The following DYNC2I2 variants were observed in gnomAD, a reference collection of about 807,000 sequenced individuals.
DYNC2I2 encodes the protein dynein 2 intermediate chain 2, also known as cytoplasmic dynein 2 intermediate chain 2.
Under a neutral mutation model 52.0 loss-of-function variants are expected in DYNC2I2, and 39 were observed. The observed-to-expected ratio is 0.75, with a 90% CI of 0.58 to 0.98. The LOEUF is 0.98. DYNC2I2 is among the 50% of genes least tolerant of loss of function. The pLI is 0.00. For missense variants in DYNC2I2, 743 were observed against 728.4 expected, an observed-to-expected ratio of 1.02 and a Z score of -0.23; for synonymous variants, 359 against 321.1, an observed-to-expected ratio of 1.12 and a Z score of -1.26.
the DYNC2I2 span, among the ~76,000 whole-genome samples, chr9:128,672,874 A>T: frequency 6.6e-6 from 1 of 151,992 alleles, no homozygotes; most frequent in Non-Finnish European, 1.5e-5. Context: ...AATACAAAAA[A>T]CTGGTGGGGC....
intron 1 of DYNC2I2, among the ~76,000 whole-genome samples, chr9:128,645,749 G>A (rs1860604842): frequency 6.6e-6 from 1 of 152,094 alleles, no homozygotes; most frequent in African/African-American, 2.4e-5. Flanking sequence ...TTAGTGAGGA[G>A]GGCATGTTGA....
intron 2 of DYNC2I2, among the ~76,000 whole-genome samples, chr9:128,638,848 T>C (rs1236164363): frequency 1.3e-5 from 2 of 152,160 alleles, no homozygotes; most frequent in African/African-American, 4.8e-5. Flanking sequence ...TGCAACACCA[T>C]GCAGCTGTAA....
chr9:128,682,064 CTTTTT>C, the DYNC2I2 span, among the ~76,000 whole-genome samples: 1 of 141,952 alleles, frequency 7.0e-6, no homozygotes, highest in East Asian at 2.1e-4. Flanking sequence ...CAGAGTGAGA[CTTTTT>C]TTTTTTTTTT....
rs1476566956 is a variant in DYNC2I2, at chr9:128,636,908, T to C, written c.545+10A>G. The stretch of plus-strand genomic sequence containing the variant: ...GCGAGCTGCCCCTCACCTGCCCCGC[T>C]GCCACTCACCGGCCGTAGGCACAGG... On this transcript the variant is annotated intron_variant, in intron 3 of 8. Coordinates refer to ENST00000372715, the MANE Select transcript of DYNC2I2 (RefSeq NM_052844.4). The C allele has an allele frequency of 6.2e-7, 1 of 1,608,440 alleles. No homozygotes were observed.
chr9:128,648,424 C>G (rs997756890), intron 1 of DYNC2I2, among the ~76,000 whole-genome samples: 4 of 151,866 alleles, frequency 2.6e-5, no homozygotes, highest in African/African-American at 7.3e-5. Flanking sequence ...CCCACTCCAG[C>G]AGGGGGTGCC....
At chr9:128,640,998 AGCCCCCTGCCT>A in intron 1 of DYNC2I2, 59 bp from the exon 2 acceptor site, 2 of 1,513,860 alleles carry the variant, frequency 1.3e-6, no homozygotes, top group Non-Finnish European at 1.8e-6. Context: ...GCCCCCACCC[AGCCCCCTGCCT>A]GCCCCTCCTG....
intron 6 of DYNC2I2, 81 bp from the exon 7 acceptor site, chr9:128,635,002 G>A (rs1472036892): frequency 6.3e-7 from 1 of 1,586,502 alleles, no homozygotes; most frequent in African/African-American, 1.3e-5. Flanking sequence ...AACAGGAGGG[G>A]AGATCACAGC....
chr9:128,652,464 G>GTACCAAGAGT (rs1458127675), intron 1 of DYNC2I2, among the ~76,000 whole-genome samples: 1 of 144,250 alleles, frequency 6.9e-6, no homozygotes. Context: ...AAGAAAGAAA[G>GTACCAAGAGT]TACCAAGAGT....
At chr9:128,667,726 C>T in the DYNC2I2 span, among the ~76,000 whole-genome samples, 112 of 150,226 alleles carry the variant, frequency 7.5e-4, 3 homozygotes, top group African/African-American at 2.6e-3. Context: ...TTCGCCACCA[C>T]GCCCAGCTAA....
At chr9:128,649,697 A>AAAAAAAC (rs1860688965) in intron 1 of DYNC2I2, among the ~76,000 whole-genome samples, 1 of 144,856 alleles carries the variant, frequency 6.9e-6, no homozygotes, top group African/African-American at 2.6e-5. Context: ...TCAAAAAAAA[A>AAAAAAAC]AAAAAAAAAA....
Position 128,635,754 on chromosome 9 carries a change from A to C in DYNC2I2, c.717T>G (p.Ser239Arg). The change falls in exon 5 of 9, where the codon AGT (serine) becomes AGG (arginine). Residue 239 changes from serine (S) to arginine (R), a missense_variant. Ser to Arg is a moderately radical substitution (Grantham distance 110). Coordinates refer to ENST00000372715, the MANE Select transcript of DYNC2I2 (RefSeq NM_052844.4). ...TCAGGTCCCACACCAACACCTCACC[A>C]CTGTACAGCCCTCCTGCAGGGACAG... Reference protein sequence around the residue: ...QPSHVAGGLYSGEVLVWDLSR... With the variant: ...QPSHVAGGLYRGEVLVWDLSR... 6.2e-7 allele frequency: 1 copy of C among 1,612,528 alleles called. No individual in the cohort carries two copies. Among genetic ancestry groups the C allele is most frequent in the Non-Finnish European group, 8.5e-7 (1 of 1,179,394 alleles).
At chr9:128,674,448 T>TA in the DYNC2I2 span, among the ~76,000 whole-genome samples, 2 of 146,344 alleles carry the variant, frequency 1.4e-5, no homozygotes, top group Non-Finnish European at 3.0e-5. Flanking sequence ...CTAGCTAATT[T>TA]AAAAAAAAAT....
intron 1 of DYNC2I2, among the ~76,000 whole-genome samples, chr9:128,648,465 GACCAAGCCAGGCCCCGCCAA>G (rs1860659154): frequency 6.6e-6 from 1 of 151,516 alleles, no homozygotes; most frequent in African/African-American, 2.4e-5. Context: ...GGCCGGGCCC[GACCAAGCCAGGCCCCGCCAA>G]GCCAAGCCAA....
At chr9:128,657,228 T>C (rs1217596010), upstream of DYNC2I2, among the ~76,000 whole-genome samples, 1 of 152,146 alleles carries the variant, frequency 6.6e-6, no homozygotes, top group East Asian at 1.9e-4. Flanking sequence ...TGATGAAAAA[T>C]ATTCCTACGG....
the DYNC2I2 span, chr9:128,683,685 T>C: frequency 2.1e-6 from 1 of 474,258 alleles, no homozygotes; most frequent in Non-Finnish European, 3.8e-6. Context: ...AGAGAGCAAC[T>C]AAAAGAAATT....
At chr9:128,656,169 C>G (rs966038759) in intron 1 of DYNC2I2, among the ~76,000 whole-genome samples, 14 of 149,862 alleles carry the variant, frequency 9.3e-5, no homozygotes, top group Admixed American at 2.0e-4. Flanking sequence ...GAGATCGCAC[C>G]ACTGCACTCC....
At chr9:128,647,586 T>A (rs932061494) in intron 1 of DYNC2I2, among the ~76,000 whole-genome samples, 2 of 151,902 alleles carry the variant, frequency 1.3e-5, no homozygotes, top group Admixed American at 6.6e-5. Flanking sequence ...ATACAAAAAA[T>A]TAGCCAGGCA....
At chr9:128,682,029 T>C in the DYNC2I2 span, among the ~76,000 whole-genome samples, 54 of 151,152 alleles carry the variant, frequency 3.6e-4, no homozygotes, top group African/African-American at 1.2e-3. Context: ...CCAAAGATTA[T>C]GCCACAGCAC....
At chr9:128,665,056 CT>C in the DYNC2I2 span, among the ~76,000 whole-genome samples, 288 of 138,688 alleles carry the variant, frequency 2.1e-3, no homozygotes, top group Middle Eastern at 3.8e-3. Context: ...TTTTCTTTTT[CT>C]TTTTTTTTTT....
Sources: allele counts gnomAD v4.1 joint callset (sites outside exome capture counted in the v4.1 genomes callset), GRCh38; gene constraint gnomAD v4.1.1; transcripts MANE v1.5; gene names NCBI Gene and HGNC (gene_info 2026-07-23, HGNC 2026-07-21).